The following TRIM29 variants were observed in gnomAD, a reference collection of about 807,000 sequenced individuals.
TRIM29 encodes tripartite motif containing 29, also known as tripartite motif-containing protein 29.
A neutral mutation model predicts 57.3 loss-of-function variants in TRIM29; 52 were observed. The ratio of observed to expected loss-of-function variants is 0.91; its 90% CI spans 0.73 to 1.14. The LOEUF (loss-of-function observed/expected upper bound fraction) is 1.14. Among genes scored for constraint, TRIM29 ranks in the 50% most tolerant of loss-of-function variants. The pLI, the probability that TRIM29 is intolerant of heterozygous loss-of-function variation, is 0.00. For missense variants in TRIM29, 753 were observed against 774.6 expected (o/e 0.97, Z 0.33); for synonymous variants, 319 against 316.9 (o/e 1.01, Z -0.07).
At chr11:120,128,204 C>T (rs551874731) in intron 2 of TRIM29, among the ~76,000 whole-genome samples, 196 bp downstream of exon 2, 44 of 152,274 alleles carry the variant, frequency 2.9e-4, no homozygotes, top group Admixed American at 1.2e-3. Context: ...AGGTCACAGA[C>T]AGGATCCCAC....
intron 6 of TRIM29, among the ~76,000 whole-genome samples, chr11:120,120,174 G>T (rs891367953): frequency 1.7e-5 from 2 of 119,886 alleles, no homozygotes; most frequent in African/African-American, 3.0e-5. Context: ...CATACTTGTG[G>T]GGGGGGTGGC....
intron 7 of TRIM29, chr11:120,116,069 C>T (rs1863259806): frequency 6.6e-6 from 1 of 152,596 alleles, no homozygotes; most frequent in Admixed American, 6.5e-5. Flanking sequence ...TTTTTTTCTC[C>T]CTGGCTTTGT....
intron 3 of TRIM29, 166 bp from the exon 4 acceptor site, chr11:120,126,055 A>C: frequency 1.5e-6 from 1 of 684,076 alleles, no homozygotes. Context: ...TTCAACTAAA[A>C]GCCACTGGAT....
At chr11:120,128,942 T>C (rs770815421) in intron 1 of TRIM29, 43 of 1,357,876 alleles carry the variant, frequency 3.2e-5, no homozygotes, top group Non-Finnish European at 3.6e-5. Flanking sequence ...AGCGTTTCTA[T>C]GGCATGACGT....
At chr11:120,131,617 A>C (rs1863724634) in intron 1 of TRIM29, among the ~76,000 whole-genome samples, 1 of 151,880 alleles carries the variant, frequency 6.6e-6, no homozygotes, top group South Asian at 2.1e-4. Flanking sequence ...CCAGACCGGC[A>C]GGACACAGCA....
chr11:120,119,460 A>G (rs1863377412), intron 6 of TRIM29, among the ~76,000 whole-genome samples: 1 of 152,162 alleles, frequency 6.6e-6, no homozygotes, highest in Non-Finnish European at 1.5e-5. Context: ...AGGCCTCAGT[A>G]AGCACGTCCA....
chr11:120,120,620 G>C lies in TRIM29; in HGVS notation c.1481C>G (p.Thr494Ser), dbSNP rs1863417999. The C allele has an allele frequency of 5.6e-6, 9 of 1,613,792 alleles. No homozygotes were observed. The highest frequency in any genetic ancestry group is 7.6e-6 in the Non-Finnish European group (9 of 1,179,986). ...GAAATTCTTCTGGGTGGTCTCCTTG[G>C]TGAAGCGGCCAGGAGACGAGGGCTG... is the stretch of plus-strand genomic sequence containing the variant. ...SYQPSSPGRFTKETTQKNFNN... is the reference protein window; with the variant it reads ...SYQPSSPGRFSKETTQKNFNN... Residue 494 changes from threonine (T) to serine (S), a missense_variant, in exon 6 of 9, where the codon ACC becomes AGC. Thr to Ser is a moderately conservative substitution (Grantham distance 58, BLOSUM62 1). Transcript: ENST00000341846.
At chr11:120,129,049 T>G in intron 1 of TRIM29, 1 of 565,126 alleles carries the variant, frequency 1.8e-6, no homozygotes, top group East Asian at 6.7e-5. Context: ...AGGGAAGGCA[T>G]TCTGCAGTTT....
chr11:120,136,429 G>A (rs967058823), intron 1 of TRIM29, among the ~76,000 whole-genome samples: 8 of 152,182 alleles, frequency 5.3e-5, no homozygotes, highest in Non-Finnish European at 1.0e-4. Context: ...TCACATCATT[G>A]TAAATCAAAC....
At chr11:120,126,180 AC>A (rs1301145815) in intron 3 of TRIM29, 1 of 366,672 alleles carries the variant, frequency 2.7e-6, no homozygotes. Context: ...AACTGCAAAG[AC>A]TGGGAGTGAA....
Position 120,137,735 on chromosome 11 carries a change from CAT to C in TRIM29, c.295_296del (p.Met99GlyfsTer122). 1 of 1,612,548 alleles carries C rather than the reference CAT, an allele frequency of 6.2e-7. No homozygotes were observed. The highest frequency in any genetic ancestry group is 8.5e-7 in the Non-Finnish European group (1 of 1,180,012). On this transcript the variant is annotated frameshift_variant, in exon 1 of 9. Transcript: ENST00000341846. LOFTEE classifies it high-confidence loss of function. The surrounding 1 kb of genome is among the most constrained non-coding windows in gnomAD (Gnocchi z 6.2). ...KNSNYFSMDS[M>X]EGKRSPYAGL... Reference sequence around the variant, plus strand: ...CTGCGTACGGCGACCTCTTGCCTTCCATAGAGTCCATGCTGAAGTAGTTGGAG... The same window carrying C: ...CTGCGTACGGCGACCTCTTGCCTTCCAGAGTCCATGCTGAAGTAGTTGGAG...
At chr11:120,135,384 G>A (rs1305916638) in intron 1 of TRIM29, among the ~76,000 whole-genome samples, 2 of 152,120 alleles carry the variant, frequency 1.3e-5, no homozygotes, top group Non-Finnish European at 2.9e-5. Flanking sequence ...CTCACCCCTT[G>A]GGAGAATGAG....
chr11:120,137,180 G>C lies in TRIM29; in HGVS notation c.804+48C>G. The C allele has an allele frequency of 6.3e-7, 1 of 1,596,118 alleles. No individual in the cohort carries two copies. The highest frequency in any genetic ancestry group is 8.6e-7 in the Non-Finnish European group (1 of 1,167,856). On this transcript the variant is annotated intron_variant, in intron 1 of 8. Transcript: ENST00000341846. This position sits in a 1 kb window ranked among gnomAD's most constrained non-coding sequence, Gnocchi z 6.2. ...GAGAAGATGAAGTTCGGAGGGGTGG[G>C]GTGAGAGAGGAGAGGCCTGGAGGGG...
intron 6 of TRIM29, among the ~76,000 whole-genome samples, chr11:120,120,157 G>A (rs1357739166): frequency 2.8e-5 from 4 of 141,794 alleles, no homozygotes; most frequent in Non-Finnish European, 6.2e-5. Context: ...TTGGGTCCTC[G>A]TGCCCTCATA....
rs1442797103 is a variant in TRIM29 at position 120,115,322 on chromosome 11, G to A, written c.1704+16C>T. The A allele has an allele frequency of 6.2e-7, 1 of 1,611,460 alleles. No homozygotes were observed. Among genetic ancestry groups the A allele is most frequent in the East Asian group, 2.2e-5 (1 of 44,850 alleles). On this transcript the variant is annotated intron_variant, in intron 8 of 8. Coordinates refer to ENST00000341846, the MANE Select transcript of TRIM29 (RefSeq NM_012101.4). The stretch of plus-strand genomic sequence containing the variant: ...CTCTGGATGTGCCCAGGCCCTCCCG[G>A]CAGCACTTCCCTTACCAGCATAGTC...
intron 1 of TRIM29, among the ~76,000 whole-genome samples, chr11:120,135,707 C>A (rs1464562742): frequency 6.6e-6 from 1 of 152,154 alleles, no homozygotes; most frequent in Admixed American, 6.5e-5. Context: ...GAGTCTGTTC[C>A]CCTCTCTACC....
chr11:120,130,791 T>A (rs1863706854), intron 1 of TRIM29, among the ~76,000 whole-genome samples: 2 of 152,118 alleles, frequency 1.3e-5, no homozygotes, highest in African/African-American at 4.8e-5. Flanking sequence ...CTCGGAGCAG[T>A]GTGTGCAGCA....
At chr11:120,136,967 C>T (rs1863828938) in intron 1 of TRIM29, among the ~76,000 whole-genome samples, 1 of 152,160 alleles carries the variant, frequency 6.6e-6, no homozygotes, top group African/African-American at 2.4e-5. Context: ...AGGCCCTCAA[C>T]CTTTTCTGAG....
At position 120,137,448 on chromosome 11, in the gene TRIM29, CA is replaced by C. The variant is rs1232977237; in HGVS notation, c.583del (p.Cys195AlafsTer64). 3 of 1,606,362 alleles carry C rather than the reference CA, an allele frequency of 1.9e-6. No individual in the cohort carries two copies. The highest frequency in any genetic ancestry group is 2.5e-6 in the Non-Finnish European group (3 of 1,179,950). The part of the protein sequence containing the change: ...KSCLVCQASF[C>X]ELHLKPHLEG... Reference sequence around the variant, plus strand: ...CAGGTGGGGCTTGAGATGCAGCTCGCAGAAGGAGGCCTGGCACACCAGGCAG... The same window carrying C: ...CAGGTGGGGCTTGAGATGCAGCTCGCGAAGGAGGCCTGGCACACCAGGCAG... On this transcript the variant is annotated frameshift_variant, in exon 1 of 9. Coordinates refer to ENST00000341846, the MANE Select transcript of TRIM29 (RefSeq NM_012101.4). LOFTEE classifies it high-confidence loss of function. The surrounding 1 kb of genome is among the most constrained non-coding windows in gnomAD (Gnocchi z 6.2).
Sources: gnomAD v4.1 joint callset for allele counts (sites outside exome capture counted in the v4.1 genomes callset) on GRCh38, gnomAD v4.1.1 for gene constraint, Gnocchi (gnomAD v3.1) non-coding constraint, MANE v1.5 for transcripts, NCBI Gene and HGNC (gene_info 2026-07-23, HGNC 2026-07-21) for gene names.